The following ZGPAT variants were observed in gnomAD, a reference collection of about 807,000 sequenced individuals.
ZGPAT encodes zinc finger CCCH-type with G patch domain-containing protein.
Under a neutral mutation model 47.9 loss-of-function variants are expected in ZGPAT, and 39 were observed. The observed-to-expected ratio is 0.81, with a 90% confidence interval of 0.63 to 1.06. The LOEUF (loss-of-function observed/expected upper bound fraction) is 1.06, where lower values mean the gene tolerates loss of function less well. Ranked by LOEUF, ZGPAT falls within the 50% of genes least tolerant of loss-of-function variation. The pLI is 0.00. For missense variants in ZGPAT, 717 were observed against 681.4 expected (o/e 1.05, Z -0.58); for synonymous variants, 348 against 292.9 (o/e 1.19, Z -1.92).
At chr20:63,710,870 T>G (rs777682362) in intron 2 of ZGPAT, among the ~76,000 whole-genome samples, 9 of 152,234 alleles carry the variant, frequency 5.9e-5, no homozygotes, top group Non-Finnish European at 1.0e-4. Context: ...AATGTCTCTA[T>G]TTCCCTAAGC....
chr20:63,735,739 C>T (rs1263410918), intron 6 of ZGPAT, 42 bp from the exon 7 acceptor site: 2 of 1,560,870 alleles, frequency 1.3e-6, no homozygotes, highest in African/African-American at 1.4e-5. Flanking sequence ...GGGTTGGTGG[C>T]ATGGCCCAGG....
chr20:63,711,966 C>T (rs537214625), intron 2 of ZGPAT, among the ~76,000 whole-genome samples: 31 of 152,312 alleles, frequency 2.0e-4, no homozygotes, highest in South Asian at 4.1e-4. Flanking sequence ...TTTGGGTTGT[C>T]TTTTCACTTG....
chr20:63,718,245 T>C (rs374923927), intron 2 of ZGPAT, among the ~76,000 whole-genome samples: 47 of 152,218 alleles, frequency 3.1e-4, no homozygotes, highest in Middle Eastern at 3.4e-3. Context: ...CATCCTAATC[T>C]CCCTTTTGTT....
chr20:63,711,487 A>G (rs1260985748), intron 2 of ZGPAT, among the ~76,000 whole-genome samples: 1 of 152,118 alleles, frequency 6.6e-6, no homozygotes, highest in East Asian at 1.9e-4. Flanking sequence ...TGCTCCACCC[A>G]GTGCTGCTTG....
In ZGPAT at chr20:63,708,564, C is replaced by T. The variant is rs768233176; in HGVS notation, c.-17C>T. ...TTCTCTTCTTGCAGCCCTGGTCCAG[C>T]GCCTCCCTCTCTCAGCATGGACGAG... On this transcript the variant is annotated 5_prime_UTR_variant, in exon 2 of 7. Coordinates refer to ENST00000355969, the MANE Select transcript of ZGPAT (RefSeq NM_181485.3). 1.3e-6 allele frequency: 2 copies of T among 1,568,608 alleles called. No homozygotes were observed. Among genetic ancestry groups the T allele is most frequent in the Admixed American group, 1.8e-5 (1 of 55,724 alleles).
At position 63,735,782 on chromosome 20, in the gene ZGPAT, C is replaced by T. The variant is rs139711299; in HGVS notation, c.1399C>T (p.His467Tyr). 1.4e-4 allele frequency: 219 copies of T among 1,599,622 alleles called. No homozygotes were observed. The highest frequency in any genetic ancestry group is 1.8e-4 in the Non-Finnish European group (206 of 1,174,034). Residue 467 changes from histidine to tyrosine, a missense_variant and splice_region_variant, in exon 7 of 7, where the codon CAT becomes TAT. His to Tyr is a moderately conservative substitution (Grantham distance 83). Coordinates refer to ENST00000355969, the MANE Select transcript of ZGPAT (RefSeq NM_181485.3). ...QEALARNAGR[H>Y]SVASAQLQEK... ...GCTGACTAGTGAGCCCCTCCGCAGG[C>T]ATAGCGTGGCGTCAGCCCAGCTGCA...
chr20:63,728,324 C>T (rs1267678944), intron 2 of ZGPAT, among the ~76,000 whole-genome samples: 1 of 152,172 alleles, frequency 6.6e-6, no homozygotes, highest in Non-Finnish European at 1.5e-5. Flanking sequence ...GTGTGAGCCA[C>T]CACGCACGGC....
In ZGPAT at chr20:63,733,619, G is replaced by A; in HGVS notation, c.751G>A (p.Asp251Asn). 6.2e-7 allele frequency: 1 copy of A among 1,614,084 alleles called. No homozygotes were observed. Among genetic ancestry groups the A allele is most frequent in the East Asian group, 2.2e-5 (1 of 44,892 alleles). ...VDNGYYTVKF[D>N]SLLLREAVVE... ...CAACGGCTACTACACAGTCAAGTTT[G>A]ACTCGCTGCTGCTGAGGGAGGCCGT... The change falls in exon 4 of 7, where the codon GAC becomes AAC. Residue 251 changes from aspartate (D) to asparagine (N), a missense_variant. Asp to Asn is a conservative substitution (Grantham distance 23, BLOSUM62 1). Transcript: ENST00000355969.
chr20:63,716,955 T>C (rs1036669059), intron 2 of ZGPAT, among the ~76,000 whole-genome samples: 1 of 152,186 alleles, frequency 6.6e-6, no homozygotes, highest in African/African-American at 2.4e-5. Context: ...GTGCTGGGAT[T>C]ATAGGCATGA....
chr20:63,735,302 CG>C lies in ZGPAT; in HGVS notation c.1139del (p.Gly380GlufsTer31). 1 of 1,599,808 alleles carries C rather than the reference CG, an allele frequency of 6.3e-7. No homozygotes were observed. The highest frequency in any genetic ancestry group is 8.5e-7 in the Non-Finnish European group (1 of 1,173,336). ...TGGCACCAACAAGCCCCCCAGGTGC[CG>C]GGGAAGAGGGGCCAGGCCTGGGGGC... ...KAGTNKPPRC[R>X]GRGARPGGRP... On this transcript the variant is annotated frameshift_variant, in exon 6 of 7. Transcript: ENST00000355969. LOFTEE classifies it high-confidence loss of function.
At chr20:63,727,587 C>T (rs2091857916) in intron 2 of ZGPAT, among the ~76,000 whole-genome samples, 1 of 146,606 alleles carries the variant, frequency 6.8e-6, no homozygotes, top group Admixed American at 7.2e-5. Context: ...CTGAGAATTG[C>T]TTGAACTTGG....
At chr20:63,727,669 CA>C (rs746126031) in intron 2 of ZGPAT, among the ~76,000 whole-genome samples, 1,548 of 45,906 alleles carry the variant, frequency 0.034, 9 homozygotes, top group African/African-American at 0.089. Context: ...GACTCGGTCT[CA>C]AAAAAAAAAA....
At position 63,735,800 on chromosome 20, in the gene ZGPAT, C is replaced by G. The variant is rs773725976; in HGVS notation, c.1417C>G (p.Gln473Glu). 1.2e-6 allele frequency: 2 copies of G among 1,609,222 alleles called. No homozygotes were observed. Among genetic ancestry groups the G allele is most frequent in the South Asian group, 2.2e-5 (2 of 90,626 alleles). Reference sequence around the variant, plus strand: ...CCGCAGGCATAGCGTGGCGTCAGCCCAGCTGCAGGAGAAGCTGGCAGGAGC... The same window carrying G: ...CCGCAGGCATAGCGTGGCGTCAGCCGAGCTGCAGGAGAAGCTGGCAGGAGC... ...NAGRHSVASA[Q>E]LQEKLAGAQR... is the part of the protein sequence containing the mutation. Residue 473 changes from glutamine (Q) to glutamate (E), a missense_variant, in exon 7 of 7, where the codon CAG becomes GAG. By Grantham distance (29) the Gln-to-Glu change is conservative (BLOSUM62 2). Transcript: ENST00000355969.
At chr20:63,726,601 C>T (rs1183268550) in intron 2 of ZGPAT, among the ~76,000 whole-genome samples, 1 of 151,994 alleles carries the variant, frequency 6.6e-6, no homozygotes, top group Admixed American at 6.6e-5. Context: ...CGGCTCACTG[C>T]AACCTCCGCC....
chr20:63,709,204 A>C lies in ZGPAT; in HGVS notation c.584+40A>C, dbSNP rs540236959. On this transcript the variant is annotated intron_variant, in intron 2 of 6. Coordinates refer to ENST00000355969, the MANE Select transcript of ZGPAT (RefSeq NM_181485.3). ...TGTCAGATGCCAACCTTAGGGGCGT[A>C]AGGGGCACGCACACAGGGTCGGGTC... 44 of 1,597,282 alleles carry C rather than the reference A, an allele frequency of 2.8e-5. No homozygotes were observed. The East Asian group carries it at 9.1e-4, about 33-fold the overall frequency.
intron 2 of ZGPAT, among the ~76,000 whole-genome samples, chr20:63,719,374 G>A (rs1470371293): frequency 6.6e-6 from 1 of 152,178 alleles, no homozygotes; most frequent in Non-Finnish European, 1.5e-5. Flanking sequence ...CTTTCTGTCT[G>A]TTTGCCGCTT....
intron 2 of ZGPAT, among the ~76,000 whole-genome samples, chr20:63,713,871 CAAAA>C (rs749234322): frequency 4.9e-5 from 4 of 81,148 alleles, no homozygotes; most frequent in Admixed American, 1.3e-4. Flanking sequence ...GACTTCATCT[CAAAA>C]AAAAAAAAAA....
At chr20:63,715,439 C>T (rs1306551848) in intron 2 of ZGPAT, among the ~76,000 whole-genome samples, 1 of 151,992 alleles carries the variant, frequency 6.6e-6, no homozygotes, top group East Asian at 1.9e-4. Context: ...CGGTGTTTTG[C>T]CATGTTGGAC....
chr20:63,733,859 G>A (rs753152715), intron 4 of ZGPAT, 120 bp downstream of exon 4: 11 of 1,375,656 alleles, frequency 8.0e-6, no homozygotes, highest in Non-Finnish European at 1.1e-5. Context: ...CTGCGGCGAG[G>A]GTGCCACCTG....
Sources: allele counts gnomAD v4.1 joint callset (sites outside exome capture counted in the v4.1 genomes callset), GRCh38; gene constraint gnomAD v4.1.1; transcripts MANE v1.5; gene names NCBI Gene and HGNC (gene_info 2026-07-23, HGNC 2026-07-21).